IL5RA: variants seen among roughly 807,000 people sequenced by gnomAD.
IL5RA encodes interleukin 5 receptor subunit alpha.
IL5RA carries 49 observed loss-of-function variants against 50.0 expected under a neutral mutation model. The observed-to-expected ratio is 0.98, with a 90% CI of 0.78 to 1.24. The LOEUF is 1.24. Among genes scored for constraint, IL5RA ranks in the 50% most tolerant of loss-of-function variants. IL5RA has a pLI of 0.00. For synonymous variants in IL5RA, 202 were observed against 174.0 expected (o/e 1.16, Z -1.26); for missense variants, 600 against 500.4 (o/e 1.20, Z -1.90).
intron 3 of IL5RA, among the ~76,000 whole-genome samples, chr3:3,103,340 T>G (rs1422791916): frequency 6.6e-6 from 1 of 152,360 alleles, no homozygotes; most frequent in East Asian, 1.9e-4. Context: ...CATTATCCAT[T>G]AACAGGCAAT....
intron 9 of IL5RA, among the ~76,000 whole-genome samples, chr3:3,082,427 A>C (rs1229297097): frequency 6.6e-6 from 1 of 152,250 alleles, no homozygotes; most frequent in East Asian, 1.9e-4. Flanking sequence ...AGAAGAAGTC[A>C]CACAGCCTAT....
intron 2 of IL5RA, among the ~76,000 whole-genome samples, chr3:3,107,381 A>AAACAACAACAACAAC (rs4054761): frequency 6.6e-5 from 10 of 150,986 alleles, no homozygotes; most frequent in Admixed American, 3.3e-4. Flanking sequence ...TCCCTGCTTA[A>AAACAACAACAACAAC]AACAACAACA....
chr3:3,105,108 G>A (rs1703847287), intron 2 of IL5RA, 121 bp from the exon 3 acceptor site: 2 of 634,658 alleles, frequency 3.2e-6, no homozygotes, highest in Admixed American at 5.4e-5. Flanking sequence ...TGGCATATTT[G>A]TTATGCGCAA....
chr3:3,067,777 AGT>A lies in IL5RA; in HGVS notation c.*2446_*2447del, dbSNP rs1212228178. ...CCAGATAACGGTACCAGCTCAGGGAAGTGTGGCAAGGAGCTCCACAGAGCCCA... is the reference window on the plus strand; with the variant it reads ...CCAGATAACGGTACCAGCTCAGGGAAGTGGCAAGGAGCTCCACAGAGCCCA... On this transcript the variant is annotated 3_prime_UTR_variant, in exon 12 of 12. Coordinates refer to ENST00000446632, the MANE Select transcript of IL5RA (RefSeq NM_175726.4). 6.6e-6 allele frequency: 1 copy of A among 152,386 alleles called. No homozygotes were observed. Among genetic ancestry groups the A allele is most frequent in the East Asian group, 1.9e-4 (1 of 5,186 alleles). The allele number at this position is 152,386 out of a possible 1,614,324, so 9.4% of individuals were successfully genotyped here.
At position 3,092,152 on chromosome 3, in the gene IL5RA, G is replaced by C. The variant is rs1029320863; in HGVS notation, c.994+72C>G. 2.1e-5 allele frequency: 33 copies of C among 1,573,154 alleles called. No individual in the cohort carries two copies. Among genetic ancestry groups the C allele is most frequent in the Admixed American group, 1.3e-4 (7 of 53,736 alleles). On this transcript the variant is annotated intron_variant, in intron 9 of 11. Transcript: ENST00000446632. This position sits in a 1 kb window ranked among gnomAD's most constrained non-coding sequence, Gnocchi z 4.2. The stretch of plus-strand genomic sequence containing the variant: ...CCATTTTAAGACCCACGAGTGAACG[G>C]GTACGTTTCTGGGATTACCTTTTTT...
chr3:3,094,616 A>T (rs1703269052), intron 8 of IL5RA, among the ~76,000 whole-genome samples: 1 of 152,236 alleles, frequency 6.6e-6, no homozygotes, highest in Non-Finnish European at 1.5e-5. Context: ...TCTTTTGTAT[A>T]TGTAATCAGC....
intron 11 of IL5RA, among the ~76,000 whole-genome samples, chr3:3,070,604 CAG>C (rs377766890): frequency 0.017 from 1,049 of 61,720 alleles, 15 homozygotes; most frequent in African/African-American, 0.083. Flanking sequence ...TTTTTTTAGA[CAG>C]AGTCTCACTC....
chr3:3,109,526 GA>G (rs1312054385), intron 1 of IL5RA, among the ~76,000 whole-genome samples: 1 of 152,124 alleles, frequency 6.6e-6, no homozygotes, highest in Non-Finnish European at 1.5e-5. Flanking sequence ...TGGAGCGGTG[GA>G]AAACAGATGT....
chr3:3,099,571 A>G (rs1438437786), intron 5 of IL5RA, among the ~76,000 whole-genome samples: 1 of 152,018 alleles, frequency 6.6e-6, no homozygotes, highest in Non-Finnish European at 1.5e-5. Flanking sequence ...CGAGGCTGCA[A>G]TGAACCAAGA....
chr3:3,093,510 G>C (rs1277372084), intron 8 of IL5RA, among the ~76,000 whole-genome samples: 1 of 152,144 alleles, frequency 6.6e-6, no homozygotes, highest in Non-Finnish European at 1.5e-5. Flanking sequence ...TTTGACAAAA[G>C]CACCAATCTA....
chr3:3,097,892 C>T lies in IL5RA; in HGVS notation c.687G>A (p.Gln229=). ...TACCAATGGCGTGAAGGGCAAACAG[C>T]TGATCAAAGGGCCTGATAGCAGAGT... The part of the protein sequence containing the change: ...SKHSAIRPFD[Q]LFALHAIDQI... Residue 229 remains glutamine, a synonymous_variant, in exon 7 of 12, where the codon CAG becomes CAA. Transcript: ENST00000446632. 1 of 1,613,882 alleles carries T rather than the reference C, an allele frequency of 6.2e-7. No individual in the cohort carries two copies. The highest frequency in any genetic ancestry group is 1.7e-5 in the Admixed American group (1 of 59,998).
intron 11 of IL5RA, among the ~76,000 whole-genome samples, chr3:3,074,183 G>T (rs931085214): frequency 9.9e-5 from 15 of 152,116 alleles, no homozygotes; most frequent in African/African-American, 3.6e-4. Flanking sequence ...CCTTTTCTAT[G>T]GTCTTTTTTA....
intron 9 of IL5RA, among the ~76,000 whole-genome samples, chr3:3,079,170 C>T (rs963243224): frequency 6.6e-6 from 1 of 152,160 alleles, no homozygotes; most frequent in Non-Finnish European, 1.5e-5. Flanking sequence ...TTTGTTTATA[C>T]CACTTCATCT....
intron 11 of IL5RA, among the ~76,000 whole-genome samples, chr3:3,071,599 T>TA (rs1559858931): frequency 2.1e-4 from 23 of 107,846 alleles, no homozygotes; most frequent in African/African-American, 6.8e-4. Flanking sequence ...GTGTGTGTAT[T>TA]TTTTTTTTTT....
At chr3:3,105,633 C>CG (rs371149500) in intron 2 of IL5RA, 1 of 143,222 alleles carries the variant, frequency 7.0e-6, no homozygotes, top group Admixed American at 7.1e-5. Context: ...TTCCCCCCCC[C>CG]ACCCCGCAAA....
rs1378948581 is a variant in IL5RA, at chr3:3,101,788, G to A, written c.271C>T (p.His91Tyr). ...CGCACACTTGCTGAAAAGCCTTTGTGGAGGATGGTTACACATTTGCTTTCA... is the reference window on the plus strand; with the variant it reads ...CGCACACTTGCTGAAAAGCCTTTGTAGAGGATGGTTACACATTTGCTTTCA... Reference protein sequence around the residue: ...ITESKCVTILHKGFSASVRTI... With the variant: ...ITESKCVTILYKGFSASVRTI... Residue 91 changes from histidine to tyrosine, a missense_variant, in exon 5 of 12, where the codon CAC (histidine) becomes TAC (tyrosine). By Grantham distance (83) the His-to-Tyr change is moderately conservative (BLOSUM62 2). Coordinates refer to ENST00000446632, the MANE Select transcript of IL5RA (RefSeq NM_175726.4). 1.9e-6 allele frequency: 3 copies of A among 1,614,054 alleles called. No individual in the cohort carries two copies. Among genetic ancestry groups the A allele is most frequent in the South Asian group, 1.1e-5 (1 of 91,076 alleles).
At position 3,092,175 on chromosome 3, in the gene IL5RA, T is replaced by C; in HGVS notation, c.994+49A>G. The C allele has an allele frequency of 6.3e-7, 1 of 1,596,584 alleles. No individual in the cohort carries two copies. On this transcript the variant is annotated intron_variant, in intron 9 of 11. Transcript: ENST00000446632. This position sits in a 1 kb window ranked among gnomAD's most constrained non-coding sequence, Gnocchi z 4.2. ...CGGGTACGTTTCTGGGATTACCTTT[T>C]TTGATCACAAGGAAGGCTGCCAATG...
chr3:3,095,017 C>G (rs7635811), intron 8 of IL5RA, among the ~76,000 whole-genome samples: 73,870 of 151,694 alleles, frequency 0.49, 18,889 homozygotes, highest in African/African-American at 0.64. Flanking sequence ...GTGAGTCACC[C>G]CACCCGTCTA....
intron 11 of IL5RA, among the ~76,000 whole-genome samples, chr3:3,071,010 T>C (rs1264695207): frequency 6.6e-6 from 1 of 152,226 alleles, no homozygotes; most frequent in Non-Finnish European, 1.5e-5. Context: ...TACTACAGTA[T>C]CCCCCTAACT....
Sources: allele counts gnomAD v4.1 joint callset (sites outside exome capture counted in the v4.1 genomes callset), GRCh38; gene constraint gnomAD v4.1.1; non-coding constraint Gnocchi (gnomAD v3.1); transcripts MANE v1.5; gene names NCBI Gene and HGNC (gene_info 2026-07-23, HGNC 2026-07-21).